The following PTPRC variants were observed in gnomAD, a reference collection of about 807,000 sequenced individuals.
The protein encoded by PTPRC is receptor-type tyrosine-protein phosphatase C.
A neutral mutation model predicts 155.9 loss-of-function variants in PTPRC; 44 were observed. That is an observed-to-expected ratio of 0.28 (90% CI 0.22 to 0.36). PTPRC has a LOEUF of 0.36. PTPRC is among the 10% of genes least tolerant of loss of function. PTPRC has a pLI of 1.00. For synonymous variants in PTPRC, 525 were observed against 533.1 expected (o/e 0.98, Z 0.21); for missense variants, 1,401 against 1,564.6 (o/e 0.90, Z 1.76).
In PTPRC at chr1:198,713,041, T is replaced by G; in HGVS notation, c.1260T>G (p.His420Gln). The change falls in exon 12 of 33, where the codon CAT (histidine) becomes CAG (glutamine). Residue 420 changes from histidine to glutamine, a missense_variant. Transcript: ENST00000442510. ...ITWNPPQRSF[H>Q]NFTLCYIKET... ...GGAATCCCCCTCAAAGATCATTTCA[T>G]AATTTTACCCTCTGTTATATAAAAG... 1 of 1,613,858 alleles carries G rather than the reference T, an allele frequency of 6.2e-7. No homozygotes were observed.
chr1:198,652,272 A>G (rs552894597), intron 2 of PTPRC, among the ~76,000 whole-genome samples: 1 of 151,692 alleles, frequency 6.6e-6, no homozygotes, highest in Admixed American at 6.6e-5. Flanking sequence ...TTAAAAGACT[A>G]GGAGAGAACT....
intron 11 of PTPRC, among the ~76,000 whole-genome samples, 185 bp downstream of exon 11, chr1:198,710,009 T>C (rs143416814): frequency 6.4e-4 from 98 of 152,316 alleles, no homozygotes; most frequent in African/African-American, 2.2e-3. Context: ...TTTGGTGTCG[T>C]ATATGAAAGT....
intron 2 of PTPRC, among the ~76,000 whole-genome samples, chr1:198,645,753 A>C (rs1662905388): frequency 6.6e-6 from 1 of 151,784 alleles, no homozygotes; most frequent in Non-Finnish European, 1.5e-5. Context: ...ATAATCCCTT[A>C]TAGGCCTTTG....
chr1:198,703,682 G>C, intron 7 of PTPRC: 1 of 421,362 alleles, frequency 2.4e-6, no homozygotes, highest in South Asian at 2.6e-5. Context: ...CATCAAAGGG[G>C]CTGTCCATTG....
chr1:198,713,090 T>C lies in PTPRC; in HGVS notation c.1291+18T>C. 6.2e-7 allele frequency: 1 copy of C among 1,613,094 alleles called. No homozygotes were observed. The highest frequency in any genetic ancestry group is 8.5e-7 in the Non-Finnish European group (1 of 1,179,276). On this transcript the variant is annotated intron_variant, in intron 12 of 32. Transcript: ENST00000442510. ...AGAGACAGGTAATTTGTGTAGAATT[T>C]AATTTCATCAGAAAAGAGAAATCAA...
In PTPRC at chr1:198,719,857, T is replaced by C. The variant is rs186941877; in HGVS notation, c.1659+1555T>C. The stretch of plus-strand genomic sequence containing the variant: ...AACTCCTGACCTCAAGTAATCCGCC[T>C]GCCTCAGCCTCCCAAATTGTTGGGA... On this transcript the variant is annotated intron_variant, in intron 14 of 32. Transcript: ENST00000442510. 5.0e-3 allele frequency among the ~76,000 whole-genome samples: 761 copies of C among 152,250 alleles called. 9 individuals are homozygous for C. The highest frequency in any genetic ancestry group is 0.017 in the African/African-American group (714 of 41,560).
intron 8 of PTPRC, among the ~76,000 whole-genome samples, chr1:198,705,396 T>TTTTC (rs925702300): frequency 6.6e-6 from 1 of 151,918 alleles, no homozygotes; most frequent in African/African-American, 2.4e-5. Context: ...TTCAGTTTTC[T>TTTTC]TTTCTTTCTT....
chr1:198,660,664 G>C (rs914622888), intron 2 of PTPRC: 1 of 152,100 alleles, frequency 6.6e-6, no homozygotes, highest in Non-Finnish European at 1.5e-5. Flanking sequence ...GGAATATTCA[G>C]AGAAGACTTG....
intron 31 of PTPRC, among the ~76,000 whole-genome samples, chr1:198,753,030 C>A (rs1422741618): frequency 1.3e-5 from 2 of 151,844 alleles, no homozygotes; most frequent in Non-Finnish European, 2.9e-5. Flanking sequence ...TCCTTGGTAG[C>A]TAACATTGAG....
intron 2 of PTPRC, among the ~76,000 whole-genome samples, chr1:198,662,266 A>G (rs896088754): frequency 5.9e-5 from 9 of 152,182 alleles, no homozygotes; most frequent in Admixed American, 5.9e-4. Flanking sequence ...CACTCTTCTA[A>G]TTCTTAACAA....
At chr1:198,754,073 T>TATC (rs995365307) in intron 31 of PTPRC, among the ~76,000 whole-genome samples, 196 bp from the exon 32 acceptor site, 2 of 152,090 alleles carry the variant, frequency 1.3e-5, no homozygotes, top group Non-Finnish European at 1.5e-5. Context: ...ATTCCAGGAT[T>TATC]ATCACACTCT....
At chr1:198,737,430 A>T (rs1444612097) in intron 23 of PTPRC, among the ~76,000 whole-genome samples, 3 of 151,674 alleles carry the variant, frequency 2.0e-5, no homozygotes, top group Non-Finnish European at 4.4e-5. Context: ...TTTTCACAGT[A>T]CAATCTATTG....
intron 28 of PTPRC, 108 bp from the exon 29 acceptor site, chr1:198,750,384 T>A (rs1655325745): frequency 8.8e-7 from 1 of 1,135,834 alleles, no homozygotes; most frequent in African/African-American, 1.5e-5. Context: ...ACTATTTGTA[T>A]GTAACAGCAT....
At chr1:198,684,717 A>G (rs1429768115) in intron 2 of PTPRC, among the ~76,000 whole-genome samples, 2 of 151,702 alleles carry the variant, frequency 1.3e-5, no homozygotes, top group Admixed American at 1.3e-4. Context: ...TCTTCTCTTG[A>G]TCTTGAGATG....
chr1:198,702,849 C>G (rs1339426413), intron 6 of PTPRC, among the ~76,000 whole-genome samples: 3 of 152,176 alleles, frequency 2.0e-5, no homozygotes, highest in East Asian at 3.8e-4. Context: ...CTAATACTTT[C>G]TGCATATCAG....
At chr1:198,644,090 CAG>C (rs1318998111) in intron 2 of PTPRC, among the ~76,000 whole-genome samples, 2 of 151,728 alleles carry the variant, frequency 1.3e-5, no homozygotes, top group African/African-American at 4.8e-5. Flanking sequence ...CACCTTGGTG[CAG>C]AGAGAGAAAT....
intron 3 of PTPRC, among the ~76,000 whole-genome samples, chr1:198,695,914 C>T (rs1275140907): frequency 6.6e-6 from 1 of 152,120 alleles, no homozygotes. Context: ...GTAATCCCAG[C>T]ACTTTGGGAG....
chr1:198,744,579 A>G lies in PTPRC; in HGVS notation c.2847+376A>G, dbSNP rs187840089. ...TTTGGTTTGTAAAGGAAATCATTAG[A>G]AGAGTTTATGACTGCTTAGGAAGTT... On this transcript the variant is annotated intron_variant, in intron 26 of 32. Coordinates refer to ENST00000442510, the MANE Select transcript of PTPRC (RefSeq NM_002838.5). Among the ~76,000 whole-genome samples the G allele has an allele frequency of 8.2e-4, 124 of 152,024 alleles. 2 individuals carry two copies. The highest frequency in any genetic ancestry group is 2.8e-3 in the African/African-American group (116 of 41,532).
intron 14 of PTPRC, among the ~76,000 whole-genome samples, chr1:198,721,431 C>T (rs1275702521): frequency 6.6e-6 from 1 of 152,050 alleles, no homozygotes; most frequent in Non-Finnish European, 1.5e-5. Flanking sequence ...GACTGTAACC[C>T]ATGTCTATAT....
Sources: gnomAD v4.1 joint callset for allele counts (sites outside exome capture counted in the v4.1 genomes callset) on GRCh38, gnomAD v4.1.1 for gene constraint, MANE v1.5 for transcripts, NCBI Gene and HGNC (gene_info 2026-07-23, HGNC 2026-07-21) for gene names.